CAMTA1: variants seen among roughly 807,000 people sequenced by gnomAD.
The protein encoded by CAMTA1 is calmodulin binding transcription activator 1, also known as calmodulin-binding transcription activator 1.
A neutral mutation model predicts 170.9 loss-of-function variants in CAMTA1; 27 were observed. That is an observed-to-expected ratio of 0.16 (90% CI 0.12 to 0.22). The LOEUF (loss-of-function observed/expected upper bound fraction) is 0.22. CAMTA1 is among the 10% of genes least tolerant of loss of function. The probability of loss-of-function intolerance (pLI) is 1.00; values close to 1 mark genes in which losing one functional copy is unlikely to be tolerated. For missense variants in CAMTA1, 1,619 were observed against 2,217.2 expected (o/e 0.73, Z 5.42); for synonymous variants, 833 against 891.5 (o/e 0.93, Z 1.17).
In CAMTA1 at chr1:7,663,988, A is replaced by G. The variant is rs142884344; in HGVS notation, c.1441A>G (p.Met481Val). The change falls in exon 9 of 23, where the codon ATG becomes GTG. Residue 481 changes from methionine to valine, a missense_variant. Transcript: ENST00000303635. ...DGGRKIPETT[M>V]NFDPDCFLNN... ...TGGCCGGAAGATTCCAGAAACCACC[A>G]TGAACTTTGACCCCGACTGTTTCCT... 1.3e-5 allele frequency: 21 copies of G among 1,613,776 alleles called. No individual in the cohort carries two copies. Among genetic ancestry groups the G allele is most frequent in the Middle Eastern group, 3.3e-4 (2 of 6,084 alleles).
chr1:7,295,286 C>T (rs6577436), intron 5 of CAMTA1, among the ~76,000 whole-genome samples: 42,517 of 152,044 alleles, frequency 0.28, 6,364 homozygotes, highest in South Asian at 0.41. Flanking sequence ...GGACCCATTC[C>T]GGCCCTGTCT....
chr1:6,848,984 AGAT>A (rs1339649799), intron 3 of CAMTA1, among the ~76,000 whole-genome samples: 1 of 152,234 alleles, frequency 6.6e-6, no homozygotes, highest in Non-Finnish European at 1.5e-5. Flanking sequence ...TTCTCATCTC[AGAT>A]GATTAGAGTT....
intron 5 of CAMTA1, among the ~76,000 whole-genome samples, chr1:7,250,031 CCTCACAGAGCCTGG>C (rs111986664): frequency 0.063 from 9,631 of 152,122 alleles, 978 homozygotes; most frequent in African/African-American, 0.21. Context: ...CTGGCAGGCC[CCTCACAGAGCCTGG>C]CTTCACCCCC....
At chr1:7,272,868 G>T (rs1219415977) in intron 5 of CAMTA1, among the ~76,000 whole-genome samples, 1 of 151,984 alleles carries the variant, frequency 6.6e-6, no homozygotes, top group Non-Finnish European at 1.5e-5. Flanking sequence ...GTTGAGAAAT[G>T]ATTTCAATGT....
At position 7,091,579 on chromosome 1, in the gene CAMTA1, T is replaced by C. The variant is rs570175463; in HGVS notation, c.302+208T>C. Reference sequence around the variant, plus strand: ...TGGATTAAAAAGAGTGCAAGTGCCATCCGCCAGTTGGAACTTTTAACCTGA... The same window carrying C: ...TGGATTAAAAAGAGTGCAAGTGCCACCCGCCAGTTGGAACTTTTAACCTGA... On this transcript the variant is annotated intron_variant, in intron 4 of 22. Coordinates refer to ENST00000303635, the MANE Select transcript of CAMTA1 (RefSeq NM_015215.4). Among the ~76,000 whole-genome samples the C allele has an allele frequency of 3.9e-5, 6 of 152,328 alleles. No individual in the cohort carries two copies. In the South Asian group the frequency reaches 1.2e-3, roughly 32 times the overall value.
At chr1:7,677,217 C>T (rs943282901) in intron 10 of CAMTA1, among the ~76,000 whole-genome samples, 9 of 152,112 alleles carry the variant, frequency 5.9e-5, no homozygotes, top group African/African-American at 1.4e-4. Context: ...ATTTTGTACC[C>T]GAGCCCCACC....
At chr1:7,688,422 C>G (rs1394880702) in intron 11 of CAMTA1, among the ~76,000 whole-genome samples, 1 of 152,144 alleles carries the variant, frequency 6.6e-6, no homozygotes, top group African/African-American at 2.4e-5. Context: ...GTCAGGGAAT[C>G]TGGCTGGTCC....
chr1:7,732,490 T>C lies in CAMTA1; in HGVS notation c.2957T>C (p.Met986Thr). The C allele has an allele frequency of 1.2e-6, 2 of 1,613,818 alleles. No homozygotes were observed. The highest frequency in any genetic ancestry group is 8.5e-7 in the Non-Finnish European group (1 of 1,179,982). The change falls in exon 12 of 23, where the codon ATG (methionine) becomes ACG (threonine). Residue 986 changes from methionine (M) to threonine (T), a missense_variant. Met to Thr is a moderately conservative substitution (Grantham distance 81). This residue lies in a region of CAMTA1 where 143 missense variants were observed against 184.2 expected (regional missense o/e 0.78). Transcript: ENST00000303635. This position sits in a 1 kb window ranked among gnomAD's most constrained non-coding sequence, Gnocchi z 4.1. ...RMSILERLEQMERRMAEMTGS... is the reference protein window; with the variant it reads ...RMSILERLEQTERRMAEMTGS... Reference sequence around the variant, plus strand: ...TCCATCCTGGAACGACTGGAGCAGATGGAGAGGAGGATGGCCGAGATGACG... The same window carrying C: ...TCCATCCTGGAACGACTGGAGCAGACGGAGAGGAGGATGGCCGAGATGACG...
chr1:7,430,152 G>A (rs2092085749), intron 5 of CAMTA1, among the ~76,000 whole-genome samples: 1 of 152,074 alleles, frequency 6.6e-6, no homozygotes, highest in South Asian at 2.1e-4. Context: ...GGGGATGATG[G>A]TGGAGGTGAT....
chr1:7,177,940 C>G (rs1651287492), intron 4 of CAMTA1, among the ~76,000 whole-genome samples: 1 of 151,808 alleles, frequency 6.6e-6, no homozygotes. Context: ...AGGCTCCTCT[C>G]CACACACGGA....
At chr1:7,432,264 G>A (rs1167013206) in intron 5 of CAMTA1, among the ~76,000 whole-genome samples, 2 of 152,166 alleles carry the variant, frequency 1.3e-5, no homozygotes, top group Admixed American at 1.3e-4. Context: ...CTATTCCACA[G>A]ACCCAGAAAC....
chr1:7,594,480 G>A (rs1298684117), intron 6 of CAMTA1, among the ~76,000 whole-genome samples: 3 of 152,210 alleles, frequency 2.0e-5, no homozygotes, highest in African/African-American at 7.2e-5. Flanking sequence ...ATGCCTTGGG[G>A]CATTTCAAGC....
chr1:6,989,780 G>A (rs1038952267), intron 3 of CAMTA1, among the ~76,000 whole-genome samples: 1 of 152,182 alleles, frequency 6.6e-6, no homozygotes. Flanking sequence ...TCCTTTGTTT[G>A]CTAATGACTA....
intron 3 of CAMTA1, 42 bp downstream of exon 3, chr1:6,825,252 G>T: frequency 2.6e-6 from 3 of 1,137,990 alleles, no homozygotes; most frequent in South Asian, 1.4e-5. Context: ...TATTTTAAGG[G>T]CAAATTTTTT....
At chr1:7,524,949 C>T (rs2094413363) in intron 6 of CAMTA1, among the ~76,000 whole-genome samples, 2 of 152,192 alleles carry the variant, frequency 1.3e-5, no homozygotes, top group South Asian at 4.1e-4. Context: ...GTGGACCATT[C>T]ACACATTCAC....
intron 4 of CAMTA1, among the ~76,000 whole-genome samples, chr1:7,174,753 G>A (rs1011157881): frequency 4.6e-5 from 7 of 152,208 alleles, no homozygotes; most frequent in African/African-American, 1.7e-4. Flanking sequence ...GAATTGGGAG[G>A]AGTTAGAGCT....
intron 3 of CAMTA1, among the ~76,000 whole-genome samples, chr1:7,090,624 T>TCTGCAGTG (rs1267805574): frequency 5.9e-5 from 9 of 152,342 alleles, no homozygotes; most frequent in African/African-American, 1.9e-4. Flanking sequence ...AGTAATTCTA[T>TCTGCAGTG]CTGCAGTGAT....
chr1:7,565,512 C>T lies in CAMTA1; in HGVS notation c.511-74888C>T, dbSNP rs949825953. ...TGTCCACATCAGGGGCTGGGCTTTCCGCAGAGAGCCTGGCTCTAGGCTGTC... is the reference window on the plus strand; with the variant it reads ...TGTCCACATCAGGGGCTGGGCTTTCTGCAGAGAGCCTGGCTCTAGGCTGTC... On this transcript the variant is annotated intron_variant, in intron 6 of 22. Transcript: ENST00000303635. This position sits in a 1 kb window ranked among gnomAD's most constrained non-coding sequence, Gnocchi z 4.5. Among the ~76,000 whole-genome samples, 5 of 152,138 alleles carry T rather than the reference C, an allele frequency of 3.3e-5. No individual in the cohort carries two copies. The highest frequency in any genetic ancestry group is 2.0e-4 in the Admixed American group (3 of 15,278).
chr1:7,676,636 C>T (rs1007724372), intron 10 of CAMTA1, among the ~76,000 whole-genome samples: 1 of 152,224 alleles, frequency 6.6e-6, no homozygotes, highest in African/African-American at 2.4e-5. Flanking sequence ...CCCTGGAAGT[C>T]TGTACTGGGG....
Sources: gnomAD v4.1 joint callset for allele counts (sites outside exome capture counted in the v4.1 genomes callset) on GRCh38, gnomAD v4.1.1 for gene constraint, gnomAD v4.1.1 regional missense constraint, Gnocchi (gnomAD v3.1) non-coding constraint, MANE v1.5 for transcripts, NCBI Gene and HGNC (gene_info 2026-07-23, HGNC 2026-07-21) for gene names.